ACAA2: variants seen among roughly 807,000 people sequenced by gnomAD.
The protein encoded by ACAA2 is 3-ketoacyl-CoA thiolase, mitochondrial.
A neutral mutation model predicts 44.8 loss-of-function variants in ACAA2; 35 were observed. That is an observed-to-expected ratio of 0.78 (90% CI 0.60 to 1.04). The LOEUF (loss-of-function observed/expected upper bound fraction) is 1.04, where lower values mean the gene tolerates loss of function less well. Among genes scored for constraint, ACAA2 ranks in the 50% least tolerant of loss-of-function variants. The pLI is 0.00. For synonymous variants in ACAA2, 142 were observed against 166.5 expected (o/e 0.85, Z 1.13); for missense variants, 468 against 482.6 (o/e 0.97, Z 0.28).
chr18:49,783,696 GCATTTTTGTGTCAC>G lies in ACAA2; in HGVS notation c.*137_*150del. Reference sequence around the variant, plus strand: ...GCATGGGCTCCTATTCATGATCAATGCATTTTTGTGTCACCATGGCTTGATCAAACTTAATCACT... The same window carrying G: ...GCATGGGCTCCTATTCATGATCAATGCATGGCTTGATCAAACTTAATCACT... On this transcript the variant is annotated 3_prime_UTR_variant, in exon 10 of 10. Transcript: ENST00000285093. 1.6e-6 allele frequency: 1 copy of G among 606,442 alleles called. No individual in the cohort carries two copies. Among genetic ancestry groups the G allele is most frequent in the Non-Finnish European group, 3.0e-6 (1 of 332,046 alleles). 37.6% of individuals were successfully genotyped at this position (606,442 alleles called of 1,614,324 possible).
intron 7 of ACAA2, among the ~76,000 whole-genome samples, chr18:49,789,771 G>A (rs1328070384): frequency 2.0e-5 from 3 of 151,686 alleles, no homozygotes; most frequent in Non-Finnish European, 2.9e-5. Flanking sequence ...ATCACCTGAG[G>A]TCAGTAGTTT....
chr18:49,801,346 A>T (rs965821480), intron 2 of ACAA2, among the ~76,000 whole-genome samples: 24 of 152,238 alleles, frequency 1.6e-4, no homozygotes, highest in Non-Finnish European at 1.3e-4. Flanking sequence ...GATACTATTT[A>T]TAGTGACTTT....
chr18:49,807,729 G>A (rs1598802931), intron 1 of ACAA2, among the ~76,000 whole-genome samples: 1 of 151,884 alleles, frequency 6.6e-6, no homozygotes, highest in East Asian at 2.0e-4. Context: ...CCACTTGGGA[G>A]GCTGAGGCAA....
Position 49,803,239 on chromosome 18 carries a change from A to AAATAATAATAATAAT in ACAA2, c.17-401_17-387dup, listed in dbSNP as rs10639158. Among the ~76,000 whole-genome samples, 870 of 142,380 alleles carry AAATAATAATAATAAT rather than the reference A, an allele frequency of 6.1e-3. 1 individual carries two copies. Among genetic ancestry groups the AAATAATAATAATAAT allele is most frequent in the East Asian group, 0.01 (51 of 4,886 alleles). 93.4% of individuals were successfully genotyped at this position (142,380 alleles called of 152,430 possible). On this transcript the variant is annotated intron_variant, in intron 1 of 9. Coordinates refer to ENST00000285093, the MANE Select transcript of ACAA2 (RefSeq NM_006111.3). ...TGCCACCACCCGGCCCTGGTAGTTA[A>AAATAATAATAATAAT]AATAATAATAATAATAATAATAATA...
intron 1 of ACAA2, 129 bp from the exon 2 acceptor site, chr18:49,802,982 T>C: frequency 1.9e-6 from 2 of 1,065,906 alleles, no homozygotes; most frequent in Non-Finnish European, 2.9e-6. Flanking sequence ...TAGGCAATAA[T>C]ACCTAGAACA....
intron 2 of ACAA2, among the ~76,000 whole-genome samples, chr18:49,801,432 G>T (rs1442950722): frequency 1.3e-5 from 2 of 152,084 alleles, no homozygotes; most frequent in Non-Finnish European, 2.9e-5. Flanking sequence ...CGCAAAAAAC[G>T]GAAGTATCCA....
intron 9 of ACAA2, 126 bp from the exon 10 acceptor site, chr18:49,784,057 C>A: frequency 1.3e-6 from 1 of 775,674 alleles, no homozygotes; most frequent in Non-Finnish European, 2.2e-6. Flanking sequence ...TTTCCCCAGT[C>A]CTCAATTTTG....
chr18:49,797,739 G>A (rs866261097), intron 2 of ACAA2, 145 bp from the exon 3 acceptor site: 5 of 561,728 alleles, frequency 8.9e-6, no homozygotes, highest in South Asian at 5.4e-5. Flanking sequence ...TCTAAGTACA[G>A]CATATTATAT....
At chr18:49,799,969 C>T (rs550540186) in intron 2 of ACAA2, among the ~76,000 whole-genome samples, 171 of 150,530 alleles carry the variant, frequency 1.1e-3, no homozygotes, top group African/African-American at 4.0e-3. Context: ...TGAGGAGCCC[C>T]TCCGCCCGGC....
intron 6 of ACAA2, among the ~76,000 whole-genome samples, 197 bp from the exon 7 acceptor site, chr18:49,791,796 C>T (rs1477063074): frequency 6.6e-6 from 1 of 150,598 alleles, no homozygotes; most frequent in African/African-American, 2.4e-5. Context: ...TACTAAAGAA[C>T]AAGGAAAAGG....
At chr18:49,788,950 C>G (rs143569613) in intron 7 of ACAA2, among the ~76,000 whole-genome samples, 3 of 152,202 alleles carry the variant, frequency 2.0e-5, no homozygotes, top group Non-Finnish European at 4.4e-5. Context: ...ACAAGCTACT[C>G]ATCAATAGCA....
chr18:49,786,539 A>C (rs1037671528), intron 8 of ACAA2: 2 of 152,182 alleles, frequency 1.3e-5, no homozygotes, highest in Admixed American at 1.3e-4. Flanking sequence ...TGTGTGAGAG[A>C]TTATCATAGA....
intron 1 of ACAA2, among the ~76,000 whole-genome samples, chr18:49,804,763 A>T (rs1412500974): frequency 6.6e-6 from 1 of 152,220 alleles, no homozygotes; most frequent in Non-Finnish European, 1.5e-5. Flanking sequence ...CCTTGTACAA[A>T]TAAATAAAAA....
At chr18:49,809,210 G>A (rs1351126313) in intron 1 of ACAA2, among the ~76,000 whole-genome samples, 5 of 152,106 alleles carry the variant, frequency 3.3e-5, no homozygotes, top group East Asian at 1.9e-4. Flanking sequence ...CCTAAAAATC[G>A]CTGTTATTCT....
intron 7 of ACAA2, among the ~76,000 whole-genome samples, chr18:49,788,983 T>C (rs2023366391): frequency 6.6e-6 from 1 of 152,158 alleles, no homozygotes; most frequent in Non-Finnish European, 1.5e-5. Context: ...TTTCCACCTT[T>C]TTCTCTTTAA....
At chr18:49,797,396 T>C in intron 3 of ACAA2, 70 bp downstream of exon 3, 7 of 1,437,140 alleles carry the variant, frequency 4.9e-6, no homozygotes, top group Non-Finnish European at 6.7e-6. Context: ...AAGTGTTATA[T>C]TGCAGTGGGA....
rs367948616 is a variant in ACAA2, at chr18:49,791,615, A to G, written c.754-16T>C. 188 of 1,610,838 alleles carry G rather than the reference A, an allele frequency of 1.2e-4. No individual in the cohort carries two copies. Among genetic ancestry groups the G allele is most frequent in the Middle Eastern group, 6.8e-4 (4 of 5,878 alleles). On this transcript the variant is annotated splice_polypyrimidine_tract_variant and intron_variant, in intron 6 of 9. Coordinates refer to ENST00000285093, the MANE Select transcript of ACAA2 (RefSeq NM_006111.3). Reference sequence around the variant, plus strand: ...CAGCTACACCCTTGAAAATAAAAATACTAGATTAACTAAAGGCTAAAATAA... The same window carrying G: ...CAGCTACACCCTTGAAAATAAAAATGCTAGATTAACTAAAGGCTAAAATAA...
Position 49,802,811 on chromosome 18 carries a change from T to A in ACAA2, c.59A>T (p.Tyr20Phe). The A allele has an allele frequency of 6.2e-7, 1 of 1,614,162 alleles. No homozygotes were observed. Among genetic ancestry groups the A allele is most frequent in the Non-Finnish European group, 8.5e-7 (1 of 1,180,034 alleles). Reference sequence around the variant, plus strand: ...AGTGAAGTCTTTCAGAAGGCCTCCGTAAGCTCCAAAGGGCGTTCGCTTAGC... The same window carrying A: ...AGTGAAGTCTTTCAGAAGGCCTCCGAAAGCTCCAAAGGGCGTTCGCTTAGC... ...VAAKRTPFGAYGGLLKDFTAT... is the reference protein window; with the variant it reads ...VAAKRTPFGAFGGLLKDFTAT... Residue 20 changes from tyrosine to phenylalanine, a missense_variant, in exon 2 of 10, where the codon TAC becomes TTC. Physicochemically the swap from Tyr to Phe is conservative, Grantham distance 22 (BLOSUM62 3). Coordinates refer to ENST00000285093, the MANE Select transcript of ACAA2 (RefSeq NM_006111.3).
chr18:49,785,513 G>T lies in ACAA2; in HGVS notation c.955-162C>A, dbSNP rs2023317790. On this transcript the variant is annotated intron_variant, in intron 8 of 9. Transcript: ENST00000285093. ...CAATCATTCTGCATAAAGCTATCAG[G>T]TTTAAAATGTGTATATTTACTAAAT... 5.9e-6 allele frequency: 4 copies of T among 680,164 alleles called. No individual in the cohort carries two copies. The African/African-American group carries it at 7.3e-5, about 12-fold the overall frequency. The allele number at this position is 680,164 out of a possible 1,614,324, so 42.1% of individuals were successfully genotyped here. A position where few individuals can be genotyped will look rare whatever the true frequency, so the allele number is the denominator to read the frequency against.
Sources: gnomAD v4.1 joint callset for allele counts (sites outside exome capture counted in the v4.1 genomes callset) on GRCh38, gnomAD v4.1.1 for gene constraint, MANE v1.5 for transcripts, NCBI Gene and HGNC (gene_info 2026-07-23, HGNC 2026-07-21) for gene names.